The following FANCB variants were observed in gnomAD, a reference collection of about 807,000 sequenced individuals.
FANCB encodes FA complementation group B.
In FANCB, 5 loss-of-function variants were observed where a neutral mutation model predicts 38.9. That is an observed-to-expected ratio of 0.13 (90% CI 0.07 to 0.27). The LOEUF (loss-of-function observed/expected upper bound fraction) is 0.27. Among genes scored for constraint, FANCB ranks in the 10% least tolerant of loss-of-function variants. FANCB has a pLI of 1.00. For synonymous variants in FANCB, 236 were observed against 215.4 expected, an observed-to-expected ratio of 1.10 and a Z score of -0.84; for missense variants, 573 against 602.7, an observed-to-expected ratio of 0.95 and a Z score of 0.52.
chrX:14,731,327 T>C, the FANCB span: 1 of 112,192 alleles, frequency 8.9e-6, no homozygotes, highest in African/African-American at 3.2e-5. Flanking sequence ...AGTTAGTGCA[T>C]TATATATATA....
chrX:14,784,474 ATCT>A, the FANCB span, among the ~76,000 whole-genome samples: 1 of 111,932 alleles, frequency 8.9e-6, no homozygotes, highest in Non-Finnish European at 1.9e-5. Context: ...CTGTCCTCTC[ATCT>A]TCTTCTCTGA....
the FANCB span, among the ~76,000 whole-genome samples, chrX:14,759,787 A>G: frequency 9.3e-6 from 1 of 107,319 alleles, no homozygotes; most frequent in Admixed American, 1.0e-4. Context: ...GGACCTATAA[A>G]ACAAAAACAC....
At chrX:14,867,836 G>T (rs764685622) in intron 2 of FANCB, among the ~76,000 whole-genome samples, 1 of 109,470 alleles carries the variant, frequency 9.1e-6, no homozygotes, top group South Asian at 3.7e-4. Flanking sequence ...TCTGACAGGG[G>T]ATTAATATCA....
the FANCB span, among the ~76,000 whole-genome samples, chrX:14,721,790 C>T: frequency 9.0e-6 from 1 of 111,263 alleles, no homozygotes; most frequent in African/African-American, 3.3e-5. Flanking sequence ...AGTTCTTTGT[C>T]CTCTCTCAGT....
chrX:14,840,285 A>C (rs1164325124), downstream of FANCB, among the ~76,000 whole-genome samples: 1 of 111,848 alleles, frequency 8.9e-6, no homozygotes, highest in Non-Finnish European at 1.9e-5. Flanking sequence ...TTGCCTTGTG[A>C]TTATAAGGTA....
the FANCB span, chrX:14,730,592 GGGA>G: frequency 1.6e-5 from 2 of 125,443 alleles, no homozygotes; most frequent in East Asian, 2.3e-4. Context: ...TGAGGGAGGG[GGGA>G]GGGAGGGTCA....
chrX:14,865,712 T>C (rs2092466810), intron 2 of FANCB, 132 bp from the exon 3 acceptor site: 2 of 371,306 alleles, frequency 5.4e-6, no homozygotes, highest in Non-Finnish European at 4.6e-6. Context: ...TTATACTATT[T>C]TGACAATATC....
At chrX:14,797,690 AAAGAGAG>A in the FANCB span, among the ~76,000 whole-genome samples, 1 of 101,929 alleles carries the variant, frequency 9.8e-6, no homozygotes, top group African/African-American at 4.1e-5. Context: ...AAAAAAAAAA[AAAGAGAG>A]AGAGAGAGAG....
the FANCB span, among the ~76,000 whole-genome samples, chrX:14,732,970 T>C: frequency 8.9e-6 from 1 of 112,412 alleles, no homozygotes; most frequent in Non-Finnish European, 1.9e-5. Context: ...ATGTCCTGAA[T>C]GGTATCACCT....
At chrX:14,799,660 G>C in the FANCB span, among the ~76,000 whole-genome samples, 2 of 112,063 alleles carry the variant, frequency 1.8e-5, no homozygotes, top group Non-Finnish European at 3.8e-5. Context: ...ACAGGGTTCA[G>C]AGGGAAGTGA....
the FANCB span, among the ~76,000 whole-genome samples, chrX:14,696,320 A>G: frequency 9.1e-6 from 1 of 110,448 alleles, no homozygotes; most frequent in Non-Finnish European, 1.9e-5. Context: ...AGAGAGGGGA[A>G]AACACGGAAG....
the FANCB span, among the ~76,000 whole-genome samples, chrX:14,717,598 A>G: frequency 1.8e-5 from 2 of 111,012 alleles, no homozygotes; most frequent in Non-Finnish European, 1.9e-5. Context: ...TTTGTCATAG[A>G]GTTGTATATA....
chrX:14,804,771 A>T, the FANCB span, among the ~76,000 whole-genome samples: 3 of 112,508 alleles, frequency 2.7e-5, no homozygotes, highest in Non-Finnish European at 5.6e-5. Context: ...TAATAAAGAT[A>T]TAATTCTGCT....
chrX:14,720,166 G>A, the FANCB span, among the ~76,000 whole-genome samples: 21 of 111,198 alleles, frequency 1.9e-4, no homozygotes, highest in Non-Finnish European at 3.4e-4. Flanking sequence ...TTTTTTCAAA[G>A]AGCTAGAAGA....
At chrX:14,766,876 G>C in the FANCB span, among the ~76,000 whole-genome samples, 28 of 110,031 alleles carry the variant, frequency 2.5e-4, no homozygotes, top group Admixed American at 2.7e-3. Context: ...AATGTGTGTT[G>C]TTCCCCATCC....
At chrX:14,771,690 G>A in the FANCB span, among the ~76,000 whole-genome samples, 1 of 112,129 alleles carries the variant, frequency 8.9e-6, no homozygotes, top group Non-Finnish European at 1.9e-5. Flanking sequence ...GAGAGGTGTT[G>A]CAGTGATTTG....
the FANCB span, among the ~76,000 whole-genome samples, chrX:14,828,176 G>A: frequency 8.9e-6 from 1 of 111,841 alleles, no homozygotes; most frequent in Non-Finnish European, 1.9e-5. Flanking sequence ...TGCTAGTCGA[G>A]GATCTTTCCG....
chrX:14,841,701 G>A (rs1396611128), downstream of FANCB, among the ~76,000 whole-genome samples: 1 of 111,760 alleles, frequency 8.9e-6, no homozygotes, highest in Non-Finnish European at 1.9e-5. Flanking sequence ...TCTCAGAGTC[G>A]TGACCAGGGC....
At chrX:14,718,121 C>T in the FANCB span, among the ~76,000 whole-genome samples, 6 of 110,762 alleles carry the variant, frequency 5.4e-5, no homozygotes, top group Non-Finnish European at 1.1e-4. Flanking sequence ...ATGATTGATT[C>T]CTATAGTAGG....
Sources: allele counts gnomAD v4.1 joint callset (sites outside exome capture counted in the v4.1 genomes callset), GRCh38; gene constraint gnomAD v4.1.1; transcripts MANE v1.5; gene names NCBI Gene and HGNC (gene_info 2026-07-23, HGNC 2026-07-21).